HNMT: variants seen among roughly 807,000 people sequenced by gnomAD.
HNMT encodes histamine N-methyltransferase.
In HNMT, 30 loss-of-function variants were observed where a neutral mutation model predicts 32.1. The observed-to-expected ratio is 0.93, with a 90% CI of 0.70 to 1.27. The LOEUF (loss-of-function observed/expected upper bound fraction) is 1.27. HNMT is among the 50% of genes most tolerant of loss of function. The pLI is 0.00. For synonymous variants in HNMT, 125 were observed against 119.0 expected (o/e 1.05, Z -0.33); for missense variants, 327 against 346.0 (o/e 0.95, Z 0.43).
chr2:138,006,799 C>A (rs1166879345), intron 5 of HNMT, among the ~76,000 whole-genome samples: 3 of 151,902 alleles, frequency 2.0e-5, no homozygotes, highest in Non-Finnish European at 4.4e-5. Flanking sequence ...TTCTGGACAA[C>A]CTTATCTGCA....
At chr2:138,000,796 AT>A (rs1681144820) in intron 2 of HNMT, 121 bp from the exon 3 acceptor site, 1 of 531,064 alleles carries the variant, frequency 1.9e-6, no homozygotes, top group Non-Finnish European at 3.3e-6. Flanking sequence ...GCAGTTGAAC[AT>A]TATTCTTTAT....
chr2:137,985,875 A>C (rs1680636730), intron 2 of HNMT, among the ~76,000 whole-genome samples: 1 of 152,216 alleles, frequency 6.6e-6, no homozygotes, highest in African/African-American at 2.4e-5. Context: ...AACTTGCATT[A>C]TAAAGTATCC....
chr2:138,010,322 A>G (rs1681456610), intron 5 of HNMT, among the ~76,000 whole-genome samples: 1 of 151,836 alleles, frequency 6.6e-6, no homozygotes, highest in African/African-American at 2.4e-5. Flanking sequence ...TACATCCAAA[A>G]AAAGAGAATA....
At chr2:137,972,272 A>T (rs1341870215) in intron 2 of HNMT, among the ~76,000 whole-genome samples, 1 of 151,878 alleles carries the variant, frequency 6.6e-6, no homozygotes, top group East Asian at 1.9e-4. Flanking sequence ...CACCCGTCTA[A>T]TTTTTGTATT....
intron 2 of HNMT, among the ~76,000 whole-genome samples, chr2:137,997,069 C>T (rs529940897): frequency 1.3e-5 from 2 of 152,172 alleles, no homozygotes; most frequent in East Asian, 3.9e-4. Flanking sequence ...CCATAAAAAC[C>T]CTAGAAGACA....
chr2:137,995,753 A>G lies in HNMT; in HGVS notation c.191-5165A>G, dbSNP rs77622716. Among the ~76,000 whole-genome samples, 1,515 of 152,284 alleles carry G rather than the reference A, an allele frequency of 9.9e-3. 27 individuals are homozygous for G. The highest frequency in any genetic ancestry group is 0.035 in the African/African-American group (1,460 of 41,562). ...AGGCCAGTATCTCTGATGAATATCG[A>G]TGGGAAAATCCTCAATAAAATACTG... is the stretch of plus-strand genomic sequence containing the variant. On this transcript the variant is annotated intron_variant, in intron 2 of 5. Coordinates refer to ENST00000280097, the MANE Select transcript of HNMT (RefSeq NM_006895.3).
At chr2:138,005,727 G>C (rs1287816983) in intron 5 of HNMT, among the ~76,000 whole-genome samples, 2 of 151,858 alleles carry the variant, frequency 1.3e-5, no homozygotes, top group Admixed American at 1.3e-4. Context: ...CATTTGTTTT[G>C]TTTTGTGTTG....
At position 137,975,499 on chromosome 2, in the gene HNMT, A is replaced by G. The variant is rs186707337; in HGVS notation, c.190+5282A>G. Among the ~76,000 whole-genome samples the G allele has an allele frequency of 3.9e-4, 60 of 152,366 alleles. 1 individual carries two copies. The East Asian group carries it at 9.1e-3, about 23-fold the overall frequency. On this transcript the variant is annotated intron_variant, in intron 2 of 5. Transcript: ENST00000280097. Reference sequence around the variant, plus strand: ...CTCAAGTGTAACTCTTCCTTTTAACATAGTGAGTTTGGAGTCCCAGGATTT... The same window carrying G: ...CTCAAGTGTAACTCTTCCTTTTAACGTAGTGAGTTTGGAGTCCCAGGATTT...
At chr2:138,010,694 A>G (rs1681476931) in intron 5 of HNMT, among the ~76,000 whole-genome samples, 1 of 152,098 alleles carries the variant, frequency 6.6e-6, no homozygotes, top group Admixed American at 6.6e-5. Flanking sequence ...AGAGACTGTC[A>G]TTTAGTGATA....
Position 138,010,724 on chromosome 2 carries a change from A to G in HNMT, c.524-3051A>G, listed in dbSNP as rs1248298300. ...GTGATAACTAGTAGAAGTTCCTGAT[A>G]ATGGAGATGAAAGAAATTTGATTTG... On this transcript the variant is annotated intron_variant, in intron 5 of 5. Coordinates refer to ENST00000280097, the MANE Select transcript of HNMT (RefSeq NM_006895.3). Among the ~76,000 whole-genome samples, 8 of 152,218 alleles carry G rather than the reference A, an allele frequency of 5.3e-5. No individual in the cohort carries two copies. In the East Asian group the frequency reaches 1.6e-3, roughly 29 times the overall value.
chr2:137,999,638 A>G (rs1337837038), intron 2 of HNMT, among the ~76,000 whole-genome samples: 1 of 152,188 alleles, frequency 6.6e-6, no homozygotes, highest in East Asian at 1.9e-4. Flanking sequence ...AAAGACTAAC[A>G]TCATTTTCCT....
intron 5 of HNMT, among the ~76,000 whole-genome samples, chr2:138,010,706 C>G (rs1681477108): frequency 6.6e-6 from 1 of 151,862 alleles, no homozygotes; most frequent in African/African-American, 2.4e-5. Context: ...TTAGTGATAA[C>G]TAGTAGAAGT....
chr2:137,989,613 A>G (rs1370684469), intron 2 of HNMT, among the ~76,000 whole-genome samples: 1 of 152,214 alleles, frequency 6.6e-6, no homozygotes, highest in African/African-American at 2.4e-5. Flanking sequence ...GGTAGAAACC[A>G]AGGAGCTTGA....
At chr2:138,009,385 C>A (rs1455976760) in intron 5 of HNMT, among the ~76,000 whole-genome samples, 1 of 151,848 alleles carries the variant, frequency 6.6e-6, no homozygotes, top group African/African-American at 2.4e-5. Flanking sequence ...GACCCAGCAA[C>A]CCTCTTATAG....
intron 5 of HNMT, among the ~76,000 whole-genome samples, chr2:138,009,317 A>G (rs1681424605): frequency 6.6e-6 from 1 of 152,082 alleles, no homozygotes; most frequent in African/African-American, 2.4e-5. Context: ...AAGTAGTTCA[A>G]CCACTGTGGA....
intron 2 of HNMT, among the ~76,000 whole-genome samples, chr2:137,978,553 G>T (rs182101889): frequency 7.4e-6 from 1 of 134,312 alleles, no homozygotes; most frequent in African/African-American, 2.8e-5. Context: ...AGATAATATA[G>T]TATTATACAA....
chr2:138,004,505 T>C (rs1681275093), intron 4 of HNMT, among the ~76,000 whole-genome samples: 1 of 151,976 alleles, frequency 6.6e-6, no homozygotes, highest in East Asian at 1.9e-4. Flanking sequence ...AGTTCTGTGT[T>C]GGGTGGAAAG....
At chr2:137,997,774 A>C (rs1202708463) in intron 2 of HNMT, among the ~76,000 whole-genome samples, 1 of 152,248 alleles carries the variant, frequency 6.6e-6, no homozygotes, top group African/African-American at 2.4e-5. Context: ...GAACCAACCC[A>C]AATGCCCATC....
chr2:138,013,482 A>G (rs1378319), intron 5 of HNMT, among the ~76,000 whole-genome samples: 40,056 of 151,928 alleles, frequency 0.26, 5,726 homozygotes, highest in African/African-American at 0.34. Flanking sequence ...TCTTGCTGTC[A>G]GGTCTCTGCT....
Sources: allele counts gnomAD v4.1 joint callset (sites outside exome capture counted in the v4.1 genomes callset), GRCh38; gene constraint gnomAD v4.1.1; transcripts MANE v1.5; gene names NCBI Gene and HGNC (gene_info 2026-07-23, HGNC 2026-07-21).